PINX1: variants seen among roughly 807,000 people sequenced by gnomAD.
PINX1 encodes PIN2/TERF1-interacting telomerase inhibitor 1.
In PINX1, 34 loss-of-function variants were observed where a neutral mutation model predicts 25.4. The ratio of observed to expected loss-of-function variants is 1.34; its 90% CI spans 1.02 to 1.78. The LOEUF is 1.78. PINX1 is among the 40% of genes most tolerant of loss of function. The pLI is 0.00. For synonymous variants in PINX1, 197 were observed against 147.7 expected (o/e 1.33, Z -2.42); for missense variants, 592 against 404.9 (o/e 1.46, Z -3.97).
At chr8:10,769,306 C>T (rs774473342) in intron 6 of PINX1, among the ~76,000 whole-genome samples, 1 of 152,202 alleles carries the variant, frequency 6.6e-6, no homozygotes, top group South Asian at 2.1e-4. Context: ...CAGGACTGGC[C>T]TAGTCTGTTC....
chr8:10,774,467 G>A (rs1453687464), intron 6 of PINX1, among the ~76,000 whole-genome samples: 2 of 152,064 alleles, frequency 1.3e-5, no homozygotes, highest in African/African-American at 4.8e-5. Flanking sequence ...TTTTAGTAGA[G>A]ACAGGGTTTC....
At chr8:10,812,725 C>T (rs1446396051) in intron 6 of PINX1, among the ~76,000 whole-genome samples, 3 of 152,220 alleles carry the variant, frequency 2.0e-5, no homozygotes, top group East Asian at 1.9e-4. Context: ...CACCCAGGCC[C>T]GCACAGAGCC....
rs542459329 is a variant in PINX1 at position 10,832,608 on chromosome 8, C to T, written c.222+284G>A. The stretch of plus-strand genomic sequence containing the variant: ...ATTCAATTTACCTAAAGTAATTTCC[C>T]AGATTCCCTACCAGATTATGTTGGC... On this transcript the variant is annotated intron_variant, in intron 3 of 6. Transcript: ENST00000314787. Among the ~76,000 whole-genome samples, 114 of 152,284 alleles carry T rather than the reference C, an allele frequency of 7.5e-4. 2 individuals carry two copies. In the South Asian group the frequency reaches 0.023, roughly 30 times the overall value.
intron 6 of PINX1, among the ~76,000 whole-genome samples, chr8:10,775,619 A>G (rs1432914859): frequency 1.3e-5 from 2 of 152,110 alleles, no homozygotes; most frequent in Admixed American, 6.6e-5. Flanking sequence ...TATCTTGTCT[A>G]TGGACCATAA....
chr8:10,768,177 G>A (rs1801117970), intron 6 of PINX1, among the ~76,000 whole-genome samples: 1 of 152,050 alleles, frequency 6.6e-6, no homozygotes, highest in Non-Finnish European at 1.5e-5. Flanking sequence ...CGGTGACGAC[G>A]GCTGGCTCGT....
At chr8:10,794,852 CA>C (rs1282390079) in intron 6 of PINX1, among the ~76,000 whole-genome samples, 1 of 152,152 alleles carries the variant, frequency 6.6e-6, no homozygotes, top group Non-Finnish European at 1.5e-5. Flanking sequence ...ATCAATATAA[CA>C]AGTGCTCTGA....
chr8:10,834,425 G>T, intron 2 of PINX1: 1 of 490,432 alleles, frequency 2.0e-6, no homozygotes, highest in Non-Finnish European at 3.5e-6. Context: ...GGGAAAAAGC[G>T]TGTAGCCTAG....
chr8:10,833,232 T>C (rs930602802), intron 2 of PINX1, among the ~76,000 whole-genome samples: 2 of 152,212 alleles, frequency 1.3e-5, no homozygotes, highest in African/African-American at 2.4e-5. Flanking sequence ...AAACTCAGTG[T>C]ACTGGGAAAC....
chr8:10,797,632 G>A, intron 6 of PINX1, among the ~76,000 whole-genome samples: 1 of 152,194 alleles, frequency 6.6e-6, no homozygotes, highest in Non-Finnish European at 1.5e-5. Flanking sequence ...AGAAACCTAA[G>A]CATTGAGGAC....
chr8:10,814,678 C>T (rs968786333), intron 6 of PINX1, among the ~76,000 whole-genome samples: 5 of 152,158 alleles, frequency 3.3e-5, no homozygotes, highest in African/African-American at 4.8e-5. Flanking sequence ...TTTATTAGAA[C>T]GTTTCAAAAG....
intron 4 of PINX1, among the ~76,000 whole-genome samples, chr8:10,830,900 A>G (rs1798209184): frequency 6.6e-6 from 1 of 152,244 alleles, no homozygotes; most frequent in Admixed American, 6.5e-5. Context: ...AGCTCCTCAA[A>G]AAGTTAAAAA....
intron 5 of PINX1, 49 bp downstream of exon 5, chr8:10,826,103 G>A (rs1798028803): frequency 9.4e-7 from 1 of 1,060,438 alleles, no homozygotes; most frequent in African/African-American, 1.6e-5. Flanking sequence ...AAGCAACTCA[G>A]GACAAACACG....
At chr8:10,819,489 G>A (rs1797800440) in intron 6 of PINX1, among the ~76,000 whole-genome samples, 1 of 152,178 alleles carries the variant, frequency 6.6e-6, no homozygotes, top group African/African-American at 2.4e-5. Context: ...CTTTTAGCCT[G>A]TTATCTTTAG....
chr8:10,768,689 A>G (rs1182705943), intron 6 of PINX1, among the ~76,000 whole-genome samples: 1 of 152,198 alleles, frequency 6.6e-6, no homozygotes, highest in African/African-American at 2.4e-5. Flanking sequence ...TTACAAGACC[A>G]TGGACTCAAA....
At chr8:10,821,687 C>A (rs1272497769) in intron 5 of PINX1, among the ~76,000 whole-genome samples, 1 of 152,202 alleles carries the variant, frequency 6.6e-6, no homozygotes, top group African/African-American at 2.4e-5. Context: ...AGCTTTGCTG[C>A]CAGCACAACC....
At chr8:10,839,171 G>C (rs1194347607) in intron 1 of PINX1, among the ~76,000 whole-genome samples, 1 of 152,224 alleles carries the variant, frequency 6.6e-6, no homozygotes, top group South Asian at 2.1e-4. Context: ...TAAACAGGCA[G>C]GACGGGGCGC....
rs1438370449 is a variant in PINX1 at position 10,820,240 on chromosome 8, C to A, written c.424G>T (p.Asp142Tyr). 1 of 1,612,794 alleles carries A rather than the reference C, an allele frequency of 6.2e-7. No individual in the cohort carries two copies. Among genetic ancestry groups the A allele is most frequent in the South Asian group, 1.1e-5 (1 of 90,958 alleles). The change falls in exon 6 of 7, where the codon GAT becomes TAT. Residue 142 changes from aspartate to tyrosine, a missense_variant. Coordinates refer to ENST00000314787, the MANE Select transcript of PINX1 (RefSeq NM_017884.6). ...GKDLSSRSKT[D>Y]LDCIFGKRQS... is the part of the protein sequence containing the mutation. ...CTTTTCCCAAAAATGCAGTCAAGAT[C>A]TGTTTTGCTCCGAGATGACAGATCC...
chr8:10,835,172 A>T (rs984210600), intron 1 of PINX1, among the ~76,000 whole-genome samples: 2 of 152,212 alleles, frequency 1.3e-5, no homozygotes, highest in Non-Finnish European at 2.9e-5. Flanking sequence ...ATGCGTTACT[A>T]CATACAAAAG....
intron 6 of PINX1, among the ~76,000 whole-genome samples, chr8:10,788,949 T>C (rs1189131517): frequency 2.1e-5 from 3 of 144,672 alleles, no homozygotes; most frequent in Non-Finnish European, 4.5e-5. Flanking sequence ...AACAGGAATA[T>C]TATGTAATAC....
Sources: gnomAD v4.1 joint callset for allele counts (sites outside exome capture counted in the v4.1 genomes callset) on GRCh38, gnomAD v4.1.1 for gene constraint, MANE v1.5 for transcripts, NCBI Gene and HGNC (gene_info 2026-07-23, HGNC 2026-07-21) for gene names.